Variants in ITPRID1 observed in about 807,000 individuals in gnomAD.
ITPRID1 encodes the protein protein ITPRID1.
In ITPRID1, 96 loss-of-function variants were observed where a neutral mutation model predicts 95.4. That is an observed-to-expected ratio of 1.01 (90% CI 0.85 to 1.19). ITPRID1 has a LOEUF of 1.19. Among genes scored for constraint, ITPRID1 ranks in the 50% most tolerant of loss-of-function variants. The pLI is 0.00. For missense variants in ITPRID1, 1,339 were observed against 1,252.9 expected, an observed-to-expected ratio of 1.07 and a Z score of -1.04; for synonymous variants, 510 against 453.6, an observed-to-expected ratio of 1.12 and a Z score of -1.58.
intron 10 of ITPRID1, among the ~76,000 whole-genome samples, chr7:31,614,633 AATTG>A (rs983143694): frequency 6.6e-5 from 10 of 152,174 alleles, no homozygotes; most frequent in Admixed American, 4.6e-4. Flanking sequence ...TTATGGAATT[AATTG>A]ATTAACTGAG....
chr7:31,595,345 T>TACACACACACAC (rs58632355), intron 10 of ITPRID1, among the ~76,000 whole-genome samples: 35 of 147,054 alleles, frequency 2.4e-4, no homozygotes, highest in African/African-American at 6.8e-4. Flanking sequence ...ATGCCCGGCC[T>TACACACACACAC]ACACACACAC....
chr7:31,592,408 T>C (rs1785905845), intron 10 of ITPRID1, among the ~76,000 whole-genome samples: 1 of 152,228 alleles, frequency 6.6e-6, no homozygotes. Flanking sequence ...CTAATACATG[T>C]AAATCCCTTA....
At chr7:31,566,368 G>T (rs933008147) in intron 5 of ITPRID1, among the ~76,000 whole-genome samples, 5 of 152,220 alleles carry the variant, frequency 3.3e-5, no homozygotes, top group Admixed American at 6.5e-5. Flanking sequence ...GAAACCCAGA[G>T]CAATAGCAGG....
At chr7:31,514,811 T>G (rs1782997413) in intron 1 of ITPRID1, among the ~76,000 whole-genome samples, 1 of 152,060 alleles carries the variant, frequency 6.6e-6, no homozygotes, top group Non-Finnish European at 1.5e-5. Context: ...CACATATATA[T>G]ACACAAATAG....
intron 10 of ITPRID1, among the ~76,000 whole-genome samples, chr7:31,600,520 A>G (rs1415570785): frequency 6.6e-6 from 1 of 152,232 alleles, no homozygotes; most frequent in African/African-American, 2.4e-5. Context: ...CAAGTCATAA[A>G]GTAAAATGTA....
chr7:31,569,707 C>T lies in ITPRID1; in HGVS notation c.257-51C>T. 5.3e-6 allele frequency: 8 copies of T among 1,505,380 alleles called. No individual in the cohort carries two copies. In the South Asian group the frequency reaches 9.9e-5, roughly 19 times the overall value. 93.3% of individuals were successfully genotyped at this position (1,505,380 alleles called of 1,614,324 possible). A position where few individuals can be genotyped will look rare whatever the true frequency, so the allele number is the denominator to read the frequency against. On this transcript the variant is annotated intron_variant, in intron 5 of 14. Coordinates refer to ENST00000615280, the MANE Select transcript of ITPRID1 (RefSeq NM_001257967.3). Reference sequence around the variant, plus strand: ...TTTCATTTGGGGTTGAGAAAATCTTCCGCAAGATAAAACGAAATAAAGTTC... The same window carrying T: ...TTTCATTTGGGGTTGAGAAAATCTTTCGCAAGATAAAACGAAATAAAGTTC...
At chr7:31,541,946 G>A (rs1294685717) in intron 1 of ITPRID1, among the ~76,000 whole-genome samples, 7 of 152,164 alleles carry the variant, frequency 4.6e-5, no homozygotes, top group East Asian at 3.9e-4. Context: ...TAGCCAAAAT[G>A]TTTACACACA....
chr7:31,520,581 G>A (rs990649350), intron 1 of ITPRID1, among the ~76,000 whole-genome samples: 2 of 147,814 alleles, frequency 1.4e-5, no homozygotes, highest in Non-Finnish European at 3.0e-5. Context: ...GAGAGAGAGA[G>A]TTTGGCACTT....
intron 1 of ITPRID1, among the ~76,000 whole-genome samples, chr7:31,523,168 C>A (rs6979379): frequency 6.6e-6 from 1 of 151,946 alleles, no homozygotes; most frequent in Non-Finnish European, 1.5e-5. Context: ...TTCTTTAAGA[C>A]GACAAGAAGG....
rs566548014 is a variant in ITPRID1 at position 31,537,646 on chromosome 7, T to C, written c.-97-11780T>C. On this transcript the variant is annotated intron_variant, in intron 1 of 14. Coordinates refer to ENST00000615280, the MANE Select transcript of ITPRID1 (RefSeq NM_001257967.3). ...CTGCTTTTTATGCTATATTTTAATG[T>C]TTTTCACTGTTCTTATTCCATTGAT... Among the ~76,000 whole-genome samples the C allele has an allele frequency of 5.9e-5, 9 of 152,274 alleles. No individual in the cohort carries two copies. The South Asian group carries it at 1.9e-3, about 32-fold the overall frequency.
intron 10 of ITPRID1, among the ~76,000 whole-genome samples, chr7:31,607,517 T>C (rs1222186503): frequency 2.0e-5 from 3 of 152,130 alleles, no homozygotes; most frequent in African/African-American, 7.2e-5. Context: ...CTTCTTGTGT[T>C]GTGCTGTTGA....
chr7:31,639,405 C>T (rs1188138148), intron 10 of ITPRID1, among the ~76,000 whole-genome samples: 1 of 151,752 alleles, frequency 6.6e-6, no homozygotes, highest in Non-Finnish European at 1.5e-5. Flanking sequence ...TTACTGGAGA[C>T]GTTGTTTTCA....
intron 12 of ITPRID1, among the ~76,000 whole-genome samples, chr7:31,647,723 AACG>A (rs370174669): frequency 3.3e-5 from 5 of 150,772 alleles, no homozygotes; most frequent in African/African-American, 4.9e-5. Context: ...CGATGACGAC[AACG>A]ACGACGACAA....
chr7:31,645,846 T>G (rs1790419492), intron 12 of ITPRID1, among the ~76,000 whole-genome samples: 1 of 152,000 alleles, frequency 6.6e-6, no homozygotes. Context: ...ACCACAACAA[T>G]GAATTCTTTG....
chr7:31,657,167 C>A (rs200857177), downstream of ITPRID1, among the ~76,000 whole-genome samples: 7 of 5,034 alleles, frequency 1.4e-3, no homozygotes, highest in East Asian at 0.019. Context: ...TATATAATAT[C>A]ACTCACACAT....
At chr7:31,582,632 GT>G (rs752343274) in intron 9 of ITPRID1, among the ~76,000 whole-genome samples, 18 of 151,936 alleles carry the variant, frequency 1.2e-4, no homozygotes, top group Non-Finnish European at 2.2e-4. Flanking sequence ...GCATTATTTT[GT>G]TTAATGATAA....
At chr7:31,650,995 G>A (rs1790893000) in intron 12 of ITPRID1, 147 bp from the exon 13 acceptor site, 1 of 745,548 alleles carries the variant, frequency 1.3e-6, no homozygotes. Context: ...CAAATATTGG[G>A]CTCTTCCTAT....
chr7:31,595,799 T>C (rs1786062840), intron 10 of ITPRID1, among the ~76,000 whole-genome samples: 1 of 151,988 alleles, frequency 6.6e-6, no homozygotes, highest in African/African-American at 2.4e-5. Context: ...ATTTGATATG[T>C]AAAATCCAAG....
Position 31,643,087 on chromosome 7 carries a change from G to A in ITPRID1, c.1717G>A (p.Val573Ile), listed in dbSNP as rs748239692. 1.1e-5 allele frequency: 18 copies of A among 1,613,838 alleles called. No individual in the cohort carries two copies. The highest frequency in any genetic ancestry group is 2.2e-5 in the East Asian group (1 of 44,876). The change falls in exon 12 of 15, where the codon GTC becomes ATC. Residue 573 changes from valine (V) to isoleucine (I), a missense_variant. By Grantham distance (29) the Val-to-Ile change is conservative. Coordinates refer to ENST00000615280, the MANE Select transcript of ITPRID1 (RefSeq NM_001257967.3). The part of the protein sequence containing the change: ...DHPLGFMVTH[V>I]TEMQDSFVRP... ...TCCTCTGGGGTTTATGGTAACCCAC[G>A]TCACAGAAATGCAGGACAGTTTTGT...
Sources: gnomAD v4.1 joint callset for allele counts (sites outside exome capture counted in the v4.1 genomes callset) on GRCh38, gnomAD v4.1.1 for gene constraint, MANE v1.5 for transcripts, NCBI Gene and HGNC (gene_info 2026-07-23, HGNC 2026-07-21) for gene names.